Variants in TRPM3 observed in about 807,000 individuals in gnomAD.
TRPM3 encodes the protein long transient receptor potential channel 3.
Under a neutral mutation model 181.2 loss-of-function variants are expected in TRPM3, and 77 were observed. That is an observed-to-expected ratio of 0.42 (90% CI 0.35 to 0.51). The LOEUF (loss-of-function observed/expected upper bound fraction) is 0.51. Ranked by LOEUF, TRPM3 falls within the 20% of genes least tolerant of loss-of-function variation. TRPM3 has a pLI of 0.01. For synonymous variants in TRPM3, 745 were observed against 796.4 expected, an observed-to-expected ratio of 0.94 and a Z score of 1.09; for missense variants, 1,759 against 2,196.7, an observed-to-expected ratio of 0.80 and a Z score of 3.98.
intron 1 of TRPM3, among the ~76,000 whole-genome samples, chr9:71,341,953 G>T (rs1379164794): frequency 6.6e-6 from 1 of 151,634 alleles, no homozygotes; most frequent in East Asian, 1.9e-4. Flanking sequence ...AGTGTAAAGA[G>T]CTTCCAAAAA....
intron 1 of TRPM3, among the ~76,000 whole-genome samples, chr9:70,939,554 T>C (rs940360950): frequency 4.6e-5 from 7 of 152,180 alleles, no homozygotes; most frequent in Admixed American, 1.3e-4. Flanking sequence ...AAATCCCTAA[T>C]TGGGTTACAG....
chr9:71,253,188 G>C (rs1265147865), intron 1 of TRPM3, among the ~76,000 whole-genome samples: 1 of 152,070 alleles, frequency 6.6e-6, no homozygotes, highest in Non-Finnish European at 1.5e-5. Context: ...ATTTCTCACA[G>C]ATGATTCATT....
At chr9:71,395,227 G>A (rs2093162525) in intron 1 of TRPM3, among the ~76,000 whole-genome samples, 1 of 152,138 alleles carries the variant, frequency 6.6e-6, no homozygotes, top group Admixed American at 6.5e-5. Flanking sequence ...ACACTTCAGT[G>A]TATCCCTAGT....
In TRPM3 at chr9:70,625,632, A is replaced by G; in HGVS notation, c.1633-115T>C. On this transcript the variant is annotated intron_variant, in intron 12 of 25. Transcript: ENST00000677713. The surrounding 1 kb of genome is among the most constrained non-coding windows in gnomAD (Gnocchi z 4.8). ...GGAGAAAAAAACACCAGTGTAGAAG[A>G]AAGAAACACAAGGCTAGACAGGGCA... The G allele has an allele frequency of 9.5e-7, 1 of 1,054,298 alleles. No individual in the cohort carries two copies. Among genetic ancestry groups the G allele is most frequent in the Non-Finnish European group, 1.4e-6 (1 of 710,194 alleles). The allele number at this position is 1,054,298 out of a possible 1,614,324, so 65.3% of individuals were successfully genotyped here.
rs750248094 is a variant in TRPM3 at position 71,418,302 on chromosome 9, C to G, written c.183+28351G>C. Among the ~76,000 whole-genome samples, 3 of 151,798 alleles carry G rather than the reference C, an allele frequency of 2.0e-5. No individual in the cohort carries two copies. The South Asian group carries it at 6.2e-4, about 31-fold the overall frequency. ...GGATATCAGGGACTCACAGAATCTC[C>G]AGGAGGTTCAAGAACCTGGAAAAGA... is the stretch of plus-strand genomic sequence containing the variant. On this transcript the variant is annotated intron_variant, in intron 1 of 24. Coordinates refer to the TRPM3 transcript ENST00000357533.
chr9:71,080,207 T>TAAATAAATAAATAAATAAATAAAA, intron 1 of TRPM3, among the ~76,000 whole-genome samples: 1 of 145,754 alleles, frequency 6.9e-6, no homozygotes, highest in Non-Finnish European at 1.5e-5. Context: ...AATAAATAAA[T>TAAATAAATAAATAAATAAATAAAA]AAAATAAAAA....
intron 5 of TRPM3, among the ~76,000 whole-genome samples, chr9:70,833,540 A>T (rs1408205649): frequency 6.6e-6 from 1 of 152,188 alleles, no homozygotes; most frequent in Non-Finnish European, 1.5e-5. Context: ...GGCATACTTT[A>T]TAGGTGGGAA....
intron 1 of TRPM3, among the ~76,000 whole-genome samples, chr9:70,946,263 C>T (rs1294632535): frequency 1.3e-5 from 2 of 151,870 alleles, no homozygotes; most frequent in African/African-American, 4.8e-5. Context: ...CCTCAGCCTC[C>T]CAAAGTGCTG....
chr9:71,422,045 C>T (rs184396446), intron 1 of TRPM3, among the ~76,000 whole-genome samples: 1 of 152,078 alleles, frequency 6.6e-6, no homozygotes, highest in Non-Finnish European at 1.5e-5. Flanking sequence ...TTGAGATTTC[C>T]TCTTTCCCTG....
At chr9:70,984,344 A>C (rs1324070844) in intron 1 of TRPM3, among the ~76,000 whole-genome samples, 2 of 152,206 alleles carry the variant, frequency 1.3e-5, no homozygotes, top group African/African-American at 4.8e-5. Context: ...CTATAATTTG[A>C]AGGCTGGCAG....
intron 1 of TRPM3, among the ~76,000 whole-genome samples, chr9:70,974,660 C>T (rs992195767): frequency 5.3e-5 from 8 of 150,764 alleles, no homozygotes; most frequent in African/African-American, 2.0e-4. Flanking sequence ...ACCCAGGAGG[C>T]GGGGTTTGCA....
chr9:70,625,272 G>A lies in TRPM3; in HGVS notation c.1728C>T (p.Tyr576=), dbSNP rs750554005. 1 of 1,614,130 alleles carries A rather than the reference G, an allele frequency of 6.2e-7. No individual in the cohort carries two copies. Among genetic ancestry groups the A allele is most frequent in the Admixed American group, 1.7e-5 (1 of 60,014 alleles). Residue 576 remains tyrosine, a synonymous_variant, in exon 14 of 26, where the codon TAC becomes TAT. Coordinates refer to ENST00000677713, the MANE Select transcript of TRPM3 (RefSeq NM_001366145.2). The surrounding 1 kb of genome is among the most constrained non-coding windows in gnomAD (Gnocchi z 4.8). ...SLIDIGLVIE[Y]LMGGAYRCNY... ...TGCAGCGATAAGCCCCGCCCATCAG[G>A]TACTCGATCACCAGGCCGATGTCAA... is the stretch of plus-strand genomic sequence containing the variant.
At position 70,797,878 on chromosome 9, in the gene TRPM3, C is replaced by T. The variant is rs1449872041; in HGVS notation, c.974-13599G>A. ...GTGAGGTGAGCAGGTGAAGACTCAC[C>T]GTGGGATTCTGCCCAATTTTGGAGT... On this transcript the variant is annotated intron_variant, in intron 6 of 25. Transcript: ENST00000677713. Among the ~76,000 whole-genome samples the T allele has an allele frequency of 3.9e-5, 6 of 152,232 alleles. No homozygotes were observed. The South Asian group carries it at 1.0e-3, about 26-fold the overall frequency.
intron 1 of TRPM3, among the ~76,000 whole-genome samples, chr9:71,338,643 G>A (rs2090742255): frequency 6.6e-6 from 1 of 151,984 alleles, no homozygotes; most frequent in Non-Finnish European, 1.5e-5. Flanking sequence ...CTGATAAAAA[G>A]CAGTATCTGA....
intron 10 of TRPM3, among the ~76,000 whole-genome samples, chr9:70,639,594 C>A (rs1289082212): frequency 6.6e-6 from 1 of 152,006 alleles, no homozygotes; most frequent in African/African-American, 2.4e-5. Context: ...GAGGGAGACC[C>A]CAGGCCAACT....
In TRPM3 at chr9:70,640,617, G is replaced by A. The variant is rs199783456; in HGVS notation, c.1389C>T (p.Ala463=). 1.2e-4 allele frequency: 199 copies of A among 1,613,688 alleles called. No individual in the cohort carries two copies. Among genetic ancestry groups the A allele is most frequent in the Non-Finnish European group, 1.6e-4 (187 of 1,179,842 alleles). Residue 463 remains alanine (A), a synonymous_variant, in exon 10 of 26, where the codon GCC becomes GCT. Transcript: ENST00000677713. The part of the protein sequence containing the change: ...SAPDQLSLAL[A]WNRVDIARSQ... ...TGCGAGCGATGTCGACTCTGTTCCA[G>A]GCTAAAGCTAAGCTCAGTTGGTCTG...
intron 1 of TRPM3, among the ~76,000 whole-genome samples, chr9:71,273,342 A>G (rs2083948653): frequency 6.6e-6 from 1 of 152,166 alleles, no homozygotes; most frequent in African/African-American, 2.4e-5. Context: ...ACTGCAAATA[A>G]TTTTGACAAG....
chr9:70,605,726 C>A (rs1021080131), intron 19 of TRPM3, among the ~76,000 whole-genome samples: 3 of 152,188 alleles, frequency 2.0e-5, no homozygotes, highest in Non-Finnish European at 4.4e-5. Context: ...ATACTCTCAG[C>A]CTCCTTCTGA....
At chr9:70,959,576 T>C (rs1379193420) in intron 1 of TRPM3, among the ~76,000 whole-genome samples, 1 of 152,156 alleles carries the variant, frequency 6.6e-6, no homozygotes, top group East Asian at 1.9e-4. Context: ...TTGTTGTTGT[T>C]TTAAAGGTAA....
Sources: allele counts gnomAD v4.1 joint callset (sites outside exome capture counted in the v4.1 genomes callset), GRCh38; gene constraint gnomAD v4.1.1; non-coding constraint Gnocchi (gnomAD v3.1); transcripts MANE v1.5; gene names NCBI Gene and HGNC (gene_info 2026-07-23, HGNC 2026-07-21).